KLHL1: variants seen among roughly 807,000 people sequenced by gnomAD.
KLHL1 encodes the protein kelch-like protein 1.
In KLHL1, 47 loss-of-function variants were observed where a neutral mutation model predicts 77.7. That is an observed-to-expected ratio of 0.60 (90% CI 0.48 to 0.77). KLHL1 has a LOEUF of 0.77. Ranked by LOEUF, KLHL1 falls within the 30% of genes least tolerant of loss-of-function variation. KLHL1 has a pLI of 0.00. For synonymous variants in KLHL1, 360 were observed against 325.2 expected (o/e 1.11, Z -1.15); for missense variants, 925 against 910.8 (o/e 1.02, Z -0.20).
At chr13:69,883,037 C>G (rs995833668) in intron 4 of KLHL1, among the ~76,000 whole-genome samples, 4 of 152,080 alleles carry the variant, frequency 2.6e-5, no homozygotes, top group Non-Finnish European at 1.5e-5. Flanking sequence ...ATGACAATTT[C>G]TTTGGCTTAA....
At chr13:69,788,463 A>G (rs1413357223) in intron 7 of KLHL1, among the ~76,000 whole-genome samples, 1 of 152,130 alleles carries the variant, frequency 6.6e-6, no homozygotes, top group Non-Finnish European at 1.5e-5. Flanking sequence ...TTGAACAATG[A>G]GAACACATGG....
intron 5 of KLHL1, among the ~76,000 whole-genome samples, chr13:69,869,063 G>A (rs541796797): frequency 1.3e-5 from 2 of 152,070 alleles, no homozygotes; most frequent in South Asian, 4.1e-4. Context: ...AGAAAATATC[G>A]GGGGTGAACT....
At chr13:69,972,261 C>A (rs1884403570) in intron 2 of KLHL1, among the ~76,000 whole-genome samples, 1 of 151,866 alleles carries the variant, frequency 6.6e-6, no homozygotes, top group African/African-American at 2.4e-5. Context: ...TCAATTGTCA[C>A]TTTAGCCTCA....
chr13:69,895,743 C>T (rs1427420600), intron 4 of KLHL1, among the ~76,000 whole-genome samples: 3 of 143,062 alleles, frequency 2.1e-5, no homozygotes, highest in Non-Finnish European at 4.5e-5. Flanking sequence ...CTTGCTCTGT[C>T]GCCCAAGTTG....
chr13:69,871,854 T>C (rs1880599253), intron 5 of KLHL1, among the ~76,000 whole-genome samples: 1 of 151,964 alleles, frequency 6.6e-6, no homozygotes. Context: ...AGCATATTGG[T>C]CACAATCACT....
chr13:70,084,490 C>T (rs1306406733), intron 1 of KLHL1, among the ~76,000 whole-genome samples: 2 of 103,624 alleles, frequency 1.9e-5, no homozygotes, highest in Admixed American at 1.2e-4. Flanking sequence ...GACGGAGTCT[C>T]GCTCTGTCCC....
At chr13:69,875,394 T>A (rs1372138627) in intron 5 of KLHL1, among the ~76,000 whole-genome samples, 1 of 152,112 alleles carries the variant, frequency 6.6e-6, no homozygotes, top group Non-Finnish European at 1.5e-5. Flanking sequence ...ATACAATTGA[T>A]AATGTAAGAA....
intron 8 of KLHL1, among the ~76,000 whole-genome samples, chr13:69,737,351 G>C (rs150441953): frequency 6.6e-6 from 1 of 152,344 alleles, no homozygotes; most frequent in African/African-American, 2.4e-5. Context: ...CAGGAGATCC[G>C]TCCACTCCCG....
At chr13:69,781,706 C>CA (rs1876220253) in intron 7 of KLHL1, among the ~76,000 whole-genome samples, 1 of 152,026 alleles carries the variant, frequency 6.6e-6, no homozygotes, top group Admixed American at 6.6e-5. Context: ...ACATAAAATC[C>CA]GTTTTTTTGT....
intron 1 of KLHL1, among the ~76,000 whole-genome samples, chr13:70,064,650 T>C (rs773287442): frequency 6.6e-6 from 1 of 152,194 alleles, no homozygotes; most frequent in East Asian, 1.9e-4. Flanking sequence ...GTTGTAGTTG[T>C]AGTGCCTAAC....
intron 1 of KLHL1, among the ~76,000 whole-genome samples, chr13:69,989,412 G>A (rs930458254): frequency 6.6e-6 from 1 of 151,850 alleles, no homozygotes; most frequent in Non-Finnish European, 1.5e-5. Context: ...CTCTAGATTT[G>A]TTCTTTTTGC....
intron 8 of KLHL1, among the ~76,000 whole-genome samples, chr13:69,730,822 C>G (rs1873510721): frequency 1.3e-5 from 2 of 152,230 alleles, no homozygotes; most frequent in Admixed American, 6.5e-5. Flanking sequence ...TCAAGCAATC[C>G]TCTCACCTCG....
chr13:69,767,845 T>C (rs1286618712), intron 7 of KLHL1, among the ~76,000 whole-genome samples: 1 of 152,190 alleles, frequency 6.6e-6, no homozygotes, highest in Non-Finnish European at 1.5e-5. Flanking sequence ...TGGCATAGAC[T>C]ACTGCTGCTC....
chr13:69,731,258 T>G (rs2137914363), intron 8 of KLHL1, among the ~76,000 whole-genome samples: 1 of 152,148 alleles, frequency 6.6e-6, no homozygotes, highest in South Asian at 2.1e-4. Context: ...TTGAGAGGAG[T>G]GAGAAGCAGA....
intron 5 of KLHL1, among the ~76,000 whole-genome samples, chr13:69,855,378 C>CAGAGATACAGAGA (rs1566329964): frequency 3.1e-5 from 4 of 128,296 alleles, no homozygotes; most frequent in African/African-American, 1.4e-4. Flanking sequence ...AGAGATAGAT[C>CAGAGATACAGAGA]TATAGATAGA....
intron 1 of KLHL1, among the ~76,000 whole-genome samples, chr13:70,093,063 C>T (rs925938114): frequency 1.3e-5 from 2 of 152,010 alleles, no homozygotes; most frequent in African/African-American, 4.8e-5. Flanking sequence ...ATGACTTCCA[C>T]TTTTATTTCA....
intron 7 of KLHL1, among the ~76,000 whole-genome samples, chr13:69,751,086 A>G (rs184702994): frequency 1.3e-5 from 2 of 149,436 alleles, no homozygotes; most frequent in Admixed American, 6.7e-5. Context: ...CAAGCCTCTA[A>G]TATCTTTCAT....
intron 1 of KLHL1, among the ~76,000 whole-genome samples, chr13:70,005,835 G>A (rs1885393020): frequency 6.6e-6 from 1 of 151,864 alleles, no homozygotes; most frequent in Non-Finnish European, 1.5e-5. Context: ...TCATATATTA[G>A]TAAAAATAAG....
chr13:69,802,064 C>T (rs773986382), intron 6 of KLHL1, among the ~76,000 whole-genome samples: 22 of 151,964 alleles, frequency 1.4e-4, no homozygotes, highest in Non-Finnish European at 2.2e-4. Context: ...CCCCTCCCTG[C>T]GTCCATGTGT....
Sources: allele counts gnomAD v4.1 joint callset (sites outside exome capture counted in the v4.1 genomes callset), GRCh38; gene constraint gnomAD v4.1.1; transcripts MANE v1.5; gene names NCBI Gene and HGNC (gene_info 2026-07-23, HGNC 2026-07-21).